CHRM3: variants seen among roughly 807,000 people sequenced by gnomAD.
The protein encoded by CHRM3 is cholinergic receptor muscarinic 3.
CHRM3 carries 11 observed loss-of-function variants against 41.8 expected under a neutral mutation model. The ratio of observed to expected loss-of-function variants is 0.26; its 90% CI spans 0.17 to 0.44. CHRM3 has a LOEUF of 0.44. CHRM3 is among the 20% of genes least tolerant of loss of function. The pLI, the probability that CHRM3 is intolerant of heterozygous loss-of-function variation, is 1.00. For synonymous variants in CHRM3, 297 were observed against 301.4 expected (o/e 0.99, Z 0.15); for missense variants, 571 against 745.4 (o/e 0.77, Z 2.72).
intron 6 of CHRM3, among the ~76,000 whole-genome samples, chr1:239,884,517 A>G (rs565892589): frequency 4.1e-4 from 63 of 152,348 alleles, no homozygotes; most frequent in Non-Finnish European, 6.6e-4. Context: ...GTGGTCATTC[A>G]TTATGGAAAA....
chr1:239,907,978 A>T lies in CHRM3; in HGVS notation c.527A>T (p.Tyr176Phe). 1 of 1,614,212 alleles carries T rather than the reference A, an allele frequency of 6.2e-7. No homozygotes were observed. Among genetic ancestry groups the T allele is most frequent in the South Asian group, 1.1e-5 (1 of 91,080 alleles). ...TTTTCCATCACGAGGCCGCTCACGT[A>T]CCGAGCCAAACGAACAACAAAGAGA... ...RYFSITRPLT[Y>F]RAKRTTKRAG... The change falls in exon 7 of 7, where the codon TAC becomes TTC. Residue 176 changes from tyrosine (Y) to phenylalanine (F), a missense_variant. This residue lies in a region of CHRM3 where 153 missense variants were observed against 296.3 expected (regional missense o/e 0.52). Transcript: ENST00000676153. This position sits in a 1 kb window ranked among gnomAD's most constrained non-coding sequence, Gnocchi z 5.4.
At chr1:239,853,091 T>C (rs1374704010) in intron 6 of CHRM3, among the ~76,000 whole-genome samples, 1 of 151,958 alleles carries the variant, frequency 6.6e-6, no homozygotes, top group Non-Finnish European at 1.5e-5. Flanking sequence ...TTTTTAAATT[T>C]AATGATGTTT....
chr1:239,630,607 T>C (rs1669705075), intron 3 of CHRM3, among the ~76,000 whole-genome samples: 1 of 152,212 alleles, frequency 6.6e-6, no homozygotes, highest in South Asian at 2.1e-4. Context: ...TGAAGTGTTG[T>C]TTGATGACTT....
chr1:239,398,981 C>T (rs1029665568), intron 1 of CHRM3, among the ~76,000 whole-genome samples: 2 of 152,110 alleles, frequency 1.3e-5, no homozygotes, highest in African/African-American at 2.4e-5. Context: ...GAAGTGAATA[C>T]TTTGAAAGCA....
intron 5 of CHRM3, among the ~76,000 whole-genome samples, chr1:239,685,850 AC>A (rs1482633026): frequency 6.6e-6 from 1 of 151,992 alleles, no homozygotes; most frequent in East Asian, 1.9e-4. Flanking sequence ...AAAAATAAGA[AC>A]AAAAAACAAA....
intron 4 of CHRM3, among the ~76,000 whole-genome samples, chr1:239,657,684 C>T (rs1417852223): frequency 6.6e-6 from 1 of 152,192 alleles, no homozygotes; most frequent in Non-Finnish European, 1.5e-5. Context: ...CATGGCAAAA[C>T]CACTTGAATA....
At chr1:239,562,194 G>A (rs1259566337) in intron 3 of CHRM3, among the ~76,000 whole-genome samples, 2 of 152,172 alleles carry the variant, frequency 1.3e-5, no homozygotes, top group African/African-American at 2.4e-5. Flanking sequence ...ATGTGTACCT[G>A]ATGACTTCTG....
Position 239,912,883 on chromosome 1 carries a change from G to A in CHRM3, c.*3659G>A, listed in dbSNP as rs1680443057. On this transcript the variant is annotated 3_prime_UTR_variant, in exon 7 of 7. Transcript: ENST00000676153. Reference sequence around the variant, plus strand: ...TAGGATGAGGAACCTGAAGTTTCTGGACCAGTTTGGTCACTGCTTAGTTAC... The same window carrying A: ...TAGGATGAGGAACCTGAAGTTTCTGAACCAGTTTGGTCACTGCTTAGTTAC... 6.0e-6 allele frequency: 1 copy of A among 167,022 alleles called. No homozygotes were observed. The highest frequency in any genetic ancestry group is 6.5e-5 in the Admixed American group (1 of 15,274). 10.3% of individuals were successfully genotyped at this position (167,022 alleles called of 1,614,324 possible).
chr1:239,393,052 C>T (rs909276596), intron 1 of CHRM3, among the ~76,000 whole-genome samples: 11 of 152,004 alleles, frequency 7.2e-5, no homozygotes, highest in Non-Finnish European at 1.2e-4. Context: ...CCCAGGTACT[C>T]GGGAGGCTAA....
chr1:239,469,339 C>T (rs1338343511), intron 1 of CHRM3, among the ~76,000 whole-genome samples: 1 of 152,184 alleles, frequency 6.6e-6, no homozygotes, highest in African/African-American at 2.4e-5. Context: ...AAATGTTTCT[C>T]TGTGCTGGTT....
intron 6 of CHRM3, among the ~76,000 whole-genome samples, chr1:239,891,016 C>T (rs1678507991): frequency 6.6e-6 from 1 of 152,134 alleles, no homozygotes; most frequent in African/African-American, 2.4e-5. Flanking sequence ...AGGATGAAGT[C>T]ATCTGCACTG....
chr1:239,895,504 CACAT>C (rs1678920504), intron 6 of CHRM3, among the ~76,000 whole-genome samples: 1 of 152,206 alleles, frequency 6.6e-6, no homozygotes, highest in Non-Finnish European at 1.5e-5. Flanking sequence ...ACCCTATAGA[CACAT>C]ACATGCATAT....
chr1:239,767,631 C>T (rs1335435234), intron 5 of CHRM3, among the ~76,000 whole-genome samples: 1 of 152,122 alleles, frequency 6.6e-6, no homozygotes, highest in East Asian at 1.9e-4. Flanking sequence ...ATATGTAGAG[C>T]ATGAATAATG....
chr1:239,702,943 A>G (rs1463285945), intron 5 of CHRM3, among the ~76,000 whole-genome samples: 3 of 152,192 alleles, frequency 2.0e-5, no homozygotes, highest in African/African-American at 4.8e-5. Context: ...GTGCAAATTG[A>G]TAATATTTTT....
intron 6 of CHRM3, among the ~76,000 whole-genome samples, chr1:239,881,282 CAAAAAAAAAAAAA>C (rs71567253): frequency 8.8e-5 from 3 of 33,988 alleles, no homozygotes; most frequent in East Asian, 1.2e-3. Context: ...GACTCCGTCT[CAAAAAAAAAAAAA>C]AAAAAAAAAA....
chr1:239,538,163 A>G (rs1658392148), intron 2 of CHRM3, among the ~76,000 whole-genome samples: 1 of 152,192 alleles, frequency 6.6e-6, no homozygotes, highest in South Asian at 2.1e-4. Flanking sequence ...TAAAATAATG[A>G]GATTGCAGCT....
At chr1:239,507,376 G>T (rs944215882) in intron 2 of CHRM3, among the ~76,000 whole-genome samples, 4 of 152,102 alleles carry the variant, frequency 2.6e-5, no homozygotes, top group Admixed American at 1.3e-4. Context: ...AAAAACAGGA[G>T]TTTCCCTGAA....
At chr1:239,539,287 G>A (rs1658502736) in intron 2 of CHRM3, among the ~76,000 whole-genome samples, 1 of 152,126 alleles carries the variant, frequency 6.6e-6, no homozygotes, top group South Asian at 2.1e-4. Flanking sequence ...ATGAGAATAA[G>A]AGAATGTCAG....
intron 6 of CHRM3, among the ~76,000 whole-genome samples, chr1:239,894,023 G>T (rs529157183): frequency 6.6e-6 from 1 of 152,066 alleles, no homozygotes; most frequent in Admixed American, 6.5e-5. Context: ...CTCTCATCTT[G>T]TTGAGAGGAA....
Sources: gnomAD v4.1 joint callset for allele counts (sites outside exome capture counted in the v4.1 genomes callset) on GRCh38, gnomAD v4.1.1 for gene constraint, gnomAD v4.1.1 regional missense constraint, Gnocchi (gnomAD v3.1) non-coding constraint, MANE v1.5 for transcripts, NCBI Gene and HGNC (gene_info 2026-07-23, HGNC 2026-07-21) for gene names.